Variants in ADGRL3 observed in about 807,000 individuals in gnomAD.
ADGRL3 encodes the protein adhesion G protein-coupled receptor L3.
ADGRL3 carries 62 observed loss-of-function variants against 153.5 expected under a neutral mutation model. The ratio of observed to expected loss-of-function variants is 0.40; its 90% CI spans 0.33 to 0.50. The LOEUF (loss-of-function observed/expected upper bound fraction) is 0.50. Ranked by LOEUF, ADGRL3 falls within the 20% of genes least tolerant of loss-of-function variation. The pLI is 0.47. For synonymous variants in ADGRL3, 710 were observed against 672.5 expected (o/e 1.06, Z -0.86); for missense variants, 1,641 against 1,859.4 (o/e 0.88, Z 2.16).
intron 3 of ADGRL3, among the ~76,000 whole-genome samples, chr4:61,501,322 C>T (rs1270106215): frequency 6.6e-6 from 1 of 152,120 alleles, no homozygotes; most frequent in East Asian, 1.9e-4. Flanking sequence ...AACATTTATT[C>T]CTTGCAGAGC....
Position 61,426,171 on chromosome 4 carries a change from A to T in ADGRL3, c.-174+42982A>T, listed in dbSNP as rs544536756. Among the ~76,000 whole-genome samples the T allele has an allele frequency of 3.3e-5, 5 of 152,358 alleles. No homozygotes were observed. The South Asian group carries it at 1.0e-3, about 32-fold the overall frequency. ...AGTCTTGCCACATGGCGTGGCTCCA[A>T]ATGAGTTGGTGACCAACTAGCCAAT... On this transcript the variant is annotated intron_variant, in intron 2 of 26. Coordinates refer to ENST00000683033, the MANE Select transcript of ADGRL3 (RefSeq NM_001387552.1).
At chr4:61,375,331 C>T (rs2096590836) in intron 1 of ADGRL3, among the ~76,000 whole-genome samples, 1 of 152,050 alleles carries the variant, frequency 6.6e-6, no homozygotes, top group Non-Finnish European at 1.5e-5. Flanking sequence ...GGGTTAAAGA[C>T]AGGATAAATA....
intron 9 of ADGRL3, among the ~76,000 whole-genome samples, chr4:61,873,583 C>T (rs2098458060): frequency 1.3e-5 from 2 of 152,124 alleles, no homozygotes; most frequent in African/African-American, 4.8e-5. Flanking sequence ...CGTTTATTTA[C>T]AACCTTTGAG....
chr4:61,930,752 A>T (rs1416883117), intron 13 of ADGRL3, among the ~76,000 whole-genome samples: 3 of 152,082 alleles, frequency 2.0e-5, no homozygotes. Context: ...TTTCCCATTT[A>T]TATTCGATTT....
At chr4:61,230,178 G>A (rs908085548) in intron 1 of ADGRL3, among the ~76,000 whole-genome samples, 7 of 152,142 alleles carry the variant, frequency 4.6e-5, no homozygotes, top group African/African-American at 1.7e-4. Flanking sequence ...CTTAGTGATG[G>A]TAAGCGATCA....
chr4:61,754,963 G>A (rs141939508), intron 8 of ADGRL3, among the ~76,000 whole-genome samples: 13,217 of 152,142 alleles, frequency 0.087, 1,220 homozygotes, highest in African/African-American at 0.23. Context: ...CATTTTTTAT[G>A]GCTGCATAGT....
rs531598581 is a variant in ADGRL3, at chr4:61,705,462, TAA to T, written c.584-25159_584-25158del. On this transcript the variant is annotated intron_variant, in intron 6 of 26. Transcript: ENST00000683033. ...TATATGTTACATATATATTTATATATAAGTTATAGATTACATATAGTTATACA... is the reference window on the plus strand; with the variant it reads ...TATATGTTACATATATATTTATATATGTTATAGATTACATATAGTTATACA... Among the ~76,000 whole-genome samples, 124 of 148,592 alleles carry T rather than the reference TAA, an allele frequency of 8.3e-4. 1 individual carries two copies. The highest frequency in any genetic ancestry group is 3.6e-3 in the Middle Eastern group (1 of 280).
intron 8 of ADGRL3, among the ~76,000 whole-genome samples, chr4:61,766,985 T>C (rs1177734132): frequency 1.3e-5 from 2 of 152,056 alleles, no homozygotes; most frequent in African/African-American, 4.8e-5. Context: ...AAGGCCATGC[T>C]GTAGCAGGCG....
rs1030109225 is a variant in ADGRL3 at position 61,851,878 on chromosome 4, C to T, written c.1480+37989C>T. Among the ~76,000 whole-genome samples the T allele has an allele frequency of 7.2e-5, 11 of 152,064 alleles. No homozygotes were observed. The South Asian group carries it at 1.7e-3, about 23-fold the overall frequency. On this transcript the variant is annotated intron_variant, in intron 9 of 26. Transcript: ENST00000683033. ...AATCTTGAATAGCACTGTCAATATA[C>T]GATAATAGACTTGTTTTGCCACACA...
chr4:61,870,711 A>G (rs781066195), intron 9 of ADGRL3, among the ~76,000 whole-genome samples: 4 of 152,236 alleles, frequency 2.6e-5, no homozygotes, highest in Non-Finnish European at 4.4e-5. Context: ...ATTATTAGCC[A>G]TCAGGAAAAT....
At chr4:61,569,847 C>T (rs150594330) in intron 4 of ADGRL3, among the ~76,000 whole-genome samples, 4 of 152,206 alleles carry the variant, frequency 2.6e-5, no homozygotes, top group African/African-American at 9.6e-5. Context: ...TTATGTGGCA[C>T]TTAGCACTTC....
At chr4:61,393,525 A>G (rs747921347) in intron 2 of ADGRL3, among the ~76,000 whole-genome samples, 10 of 151,970 alleles carry the variant, frequency 6.6e-5, no homozygotes, top group South Asian at 4.2e-4. Context: ...ACATTTTTCA[A>G]TTTTTTTCAG....
chr4:61,719,581 C>T lies in ADGRL3; in HGVS notation c.584-11041C>T, dbSNP rs376405980. Among the ~76,000 whole-genome samples the T allele has an allele frequency of 2.7e-5, 4 of 149,494 alleles. No individual in the cohort carries two copies. The South Asian group carries it at 6.4e-4, about 24-fold the overall frequency. ...GGCATATTTAATTCTTCTAACCCTGCATTTCTTTCACCTCTGTCATACCTT... is the reference window on the plus strand; with the variant it reads ...GGCATATTTAATTCTTCTAACCCTGTATTTCTTTCACCTCTGTCATACCTT... On this transcript the variant is annotated intron_variant, in intron 6 of 26. Coordinates refer to ENST00000683033, the MANE Select transcript of ADGRL3 (RefSeq NM_001387552.1).
chr4:61,889,231 C>A (rs954997888), intron 9 of ADGRL3, among the ~76,000 whole-genome samples: 18 of 152,160 alleles, frequency 1.2e-4, no homozygotes, highest in African/African-American at 4.3e-4. Flanking sequence ...GAAATAACAT[C>A]CAAGCTAAGC....
At chr4:61,870,020 A>AAAG (rs199902087) in intron 9 of ADGRL3, among the ~76,000 whole-genome samples, 3 of 147,952 alleles carry the variant, frequency 2.0e-5, no homozygotes, top group Non-Finnish European at 4.5e-5. Flanking sequence ...GAAAGGAAAG[A>AAAG]AAGAAGAAAG....
At chr4:62,057,859 A>G (rs1226084159) in intron 25 of ADGRL3, among the ~76,000 whole-genome samples, 1 of 151,992 alleles carries the variant, frequency 6.6e-6, no homozygotes, top group African/African-American at 2.4e-5. Flanking sequence ...TTTGTATTTT[A>G]GTAGAGACAG....
intron 9 of ADGRL3, among the ~76,000 whole-genome samples, chr4:61,848,831 A>G (rs2098168235): frequency 1.3e-5 from 2 of 152,170 alleles, no homozygotes; most frequent in South Asian, 2.1e-4. Flanking sequence ...TCTCCTGTGT[A>G]TAAATAATAT....
At chr4:61,334,887 T>C (rs1266211721) in intron 1 of ADGRL3, among the ~76,000 whole-genome samples, 1 of 152,052 alleles carries the variant, frequency 6.6e-6, no homozygotes, top group Non-Finnish European at 1.5e-5. Flanking sequence ...AGGGATAAAA[T>C]CTAGACTTCA....
intron 21 of ADGRL3, among the ~76,000 whole-genome samples, chr4:62,013,906 T>G (rs572700036): frequency 1.3e-5 from 2 of 151,526 alleles, no homozygotes; most frequent in East Asian, 1.9e-4. Context: ...AAATTTTTTT[T>G]TTGTTTGTTT....
Sources: allele counts gnomAD v4.1 joint callset (sites outside exome capture counted in the v4.1 genomes callset), GRCh38; gene constraint gnomAD v4.1.1; transcripts MANE v1.5; gene names NCBI Gene and HGNC (gene_info 2026-07-23, HGNC 2026-07-21).